Variants in HNF4G observed in about 807,000 individuals in gnomAD.
HNF4G encodes the protein hepatocyte nuclear factor 4 gamma, also known as hepatocyte nuclear factor 4-gamma.
In HNF4G, 21 loss-of-function variants were observed where a neutral mutation model predicts 50.9. The observed-to-expected ratio is 0.41, with a 90% CI of 0.29 to 0.59. HNF4G has a LOEUF of 0.59. Among genes scored for constraint, HNF4G ranks in the 20% least tolerant of loss-of-function variants. HNF4G has a pLI of 0.26. For synonymous variants in HNF4G, 198 were observed against 185.6 expected (o/e 1.07, Z -0.54); for missense variants, 527 against 559.4 (o/e 0.94, Z 0.58).
chr8:75,423,780 ACTTC>A (rs1810827580), intron 1 of HNF4G, among the ~76,000 whole-genome samples: 1 of 127,916 alleles, frequency 7.8e-6, no homozygotes, highest in Non-Finnish European at 1.7e-5. Flanking sequence ...GCACACATAT[ACTTC>A]CTTCTTTGAA....
At chr8:75,461,104 T>C (rs1272041629) in intron 1 of HNF4G, among the ~76,000 whole-genome samples, 1 of 152,206 alleles carries the variant, frequency 6.6e-6, no homozygotes, top group Non-Finnish European at 1.5e-5. Context: ...CCTGTTTTTT[T>C]CTTTGCTTCC....
intron 3 of HNF4G, among the ~76,000 whole-genome samples, chr8:75,548,435 C>G (rs1328132510): frequency 6.6e-6 from 1 of 152,070 alleles, no homozygotes; most frequent in African/African-American, 2.4e-5. Flanking sequence ...GTTCTAGGTG[C>G]TAAAGCTTCA....
At chr8:75,450,559 G>T (rs1811560451) in intron 1 of HNF4G, among the ~76,000 whole-genome samples, 1 of 152,156 alleles carries the variant, frequency 6.6e-6, no homozygotes, top group South Asian at 2.1e-4. Flanking sequence ...CACCAACTGT[G>T]TATAAGGGTT....
intron 1 of HNF4G, among the ~76,000 whole-genome samples, chr8:75,431,514 A>T (rs1270314921): frequency 6.6e-6 from 1 of 152,220 alleles, no homozygotes; most frequent in African/African-American, 2.4e-5. Context: ...CATATCAGTG[A>T]TCGCAATAAA....
chr8:75,421,787 T>C (rs910778908), intron 1 of HNF4G, among the ~76,000 whole-genome samples: 41 of 152,174 alleles, frequency 2.7e-4, no homozygotes, highest in African/African-American at 9.4e-4. Flanking sequence ...GTGCTGCTCC[T>C]GCTAGTAGAG....
chr8:75,443,510 T>G (rs1455040686), intron 1 of HNF4G, among the ~76,000 whole-genome samples: 1 of 152,176 alleles, frequency 6.6e-6, no homozygotes, highest in Non-Finnish European at 1.5e-5. Flanking sequence ...CTATAAAATT[T>G]AAAGTATTCG....
intron 1 of HNF4G, among the ~76,000 whole-genome samples, chr8:75,483,959 T>G (rs1253352704): frequency 6.6e-6 from 1 of 152,128 alleles, no homozygotes; most frequent in Non-Finnish European, 1.5e-5. Flanking sequence ...ATAAAATACT[T>G]CATGAATTAT....
chr8:75,532,847 T>G (rs1806364768), intron 2 of HNF4G, among the ~76,000 whole-genome samples: 1 of 152,088 alleles, frequency 6.6e-6, no homozygotes, highest in African/African-American at 2.4e-5. Flanking sequence ...AAATTTGTTC[T>G]GTTGCAGAAG....
chr8:75,503,419 T>C (rs1417537217), intron 2 of HNF4G, among the ~76,000 whole-genome samples: 1 of 152,094 alleles, frequency 6.6e-6, no homozygotes, highest in Non-Finnish European at 1.5e-5. Context: ...ATAGTAAGAG[T>C]GATAGTTCAA....
At chr8:75,423,335 C>CTT (rs34511777) in intron 1 of HNF4G, among the ~76,000 whole-genome samples, 8,422 of 94,604 alleles carry the variant, frequency 0.089, 1,243 homozygotes, top group African/African-American at 0.26. Context: ...TTTTCTTTAT[C>CTT]TTTTTTTTTT....
Position 75,487,179 on chromosome 8 carries a change from G to C in HNF4G, c.-143-2910G>C, listed in dbSNP as rs556498572. On this transcript the variant is annotated intron_variant, in intron 1 of 10. Transcript: ENST00000354370. The stretch of plus-strand genomic sequence containing the variant: ...CTATAACAGTATTTACCTTGGGACA[G>C]GCTCCTTTTGCCAACTTGCAGACAG... 8.7e-4 allele frequency among the ~76,000 whole-genome samples: 132 copies of C among 152,248 alleles called. 1 individual carries two copies. Among genetic ancestry groups the C allele is most frequent in the Non-Finnish European group, 1.5e-3 (102 of 68,002 alleles).
upstream of HNF4G, among the ~76,000 whole-genome samples, chr8:75,535,412 A>G (rs1022807815): frequency 1.3e-4 from 20 of 151,770 alleles, no homozygotes; most frequent in African/African-American, 4.6e-4. Context: ...TGAATTAAAA[A>G]GTCATTTATG....
intron 3 of HNF4G, among the ~76,000 whole-genome samples, chr8:75,548,131 C>A (rs906349619): frequency 1.3e-5 from 2 of 151,684 alleles, no homozygotes; most frequent in Non-Finnish European, 2.9e-5. Context: ...ACTACAGGTG[C>A]GCATCATCAC....
chr8:75,521,873 C>T (rs963030609), intron 2 of HNF4G, among the ~76,000 whole-genome samples: 10 of 151,992 alleles, frequency 6.6e-5, no homozygotes, highest in Non-Finnish European at 1.5e-4. Flanking sequence ...GTCTCCATTC[C>T]CCCCACACAC....
chr8:75,476,982 G>T (rs1188159300), intron 1 of HNF4G, among the ~76,000 whole-genome samples: 2 of 152,098 alleles, frequency 1.3e-5, no homozygotes, highest in Non-Finnish European at 2.9e-5. Flanking sequence ...GTTTAATGTA[G>T]TGCTTGATTA....
chr8:75,537,039 T>C (rs570971595), upstream of HNF4G, among the ~76,000 whole-genome samples: 17 of 152,152 alleles, frequency 1.1e-4, no homozygotes, highest in Non-Finnish European at 1.8e-4. Flanking sequence ...TGGGATTAAC[T>C]AAAGTACTCA....
chr8:75,472,121 C>T (rs911470988), intron 1 of HNF4G, among the ~76,000 whole-genome samples: 22 of 152,238 alleles, frequency 1.4e-4, no homozygotes, highest in Admixed American at 1.4e-3. Flanking sequence ...CATCCTTCCT[C>T]CCTACCTCTT....
chr8:75,436,689 ATAAT>A (rs1485262528), intron 1 of HNF4G, among the ~76,000 whole-genome samples: 1 of 152,230 alleles, frequency 6.6e-6, no homozygotes, highest in Non-Finnish European at 1.5e-5. Flanking sequence ...TTTTCATGAA[ATAAT>A]TAGTTTTAAA....
chr8:75,470,027 C>T (rs953403883), intron 1 of HNF4G, among the ~76,000 whole-genome samples: 2 of 152,132 alleles, frequency 1.3e-5, no homozygotes, highest in Non-Finnish European at 2.9e-5. Context: ...GGAATACTGA[C>T]GTCAAAACTC....
Sources: gnomAD v4.1 joint callset for allele counts (sites outside exome capture counted in the v4.1 genomes callset) on GRCh38, gnomAD v4.1.1 for gene constraint, MANE v1.5 for transcripts, NCBI Gene and HGNC (gene_info 2026-07-23, HGNC 2026-07-21) for gene names.